The following NUP214 variants were observed in gnomAD, a reference collection of about 807,000 sequenced individuals.
NUP214 encodes nucleoporin 214.
In NUP214, 79 loss-of-function variants were observed where a neutral mutation model predicts 196.2. The ratio of observed to expected loss-of-function variants is 0.40; its 90% CI spans 0.34 to 0.49. The LOEUF (loss-of-function observed/expected upper bound fraction) is 0.49, where lower values mean the gene tolerates loss of function less well. NUP214 is among the 20% of genes least tolerant of loss of function. NUP214 has a pLI of 0.58. For missense variants in NUP214, 2,468 were observed against 2,539.0 expected (o/e 0.97, Z 0.60); for synonymous variants, 1,020 against 990.5 (o/e 1.03, Z -0.56).
intron 30 of NUP214, among the ~76,000 whole-genome samples, chr9:131,209,033 G>A (rs1042295916): frequency 5.9e-5 from 9 of 151,854 alleles, no homozygotes; most frequent in African/African-American, 2.2e-4. Context: ...ATAATAAAAA[G>A]GAATGAAGTT....
intron 32 of NUP214, among the ~76,000 whole-genome samples, chr9:131,227,493 A>T (rs1221040694): frequency 6.6e-6 from 1 of 152,130 alleles, no homozygotes; most frequent in East Asian, 1.9e-4. Context: ...AAAAAAAAAA[A>T]ACAAACCTCC....
chr9:131,189,929 C>T lies in NUP214; in HGVS notation c.3574+798C>T, dbSNP rs1012923803. On this transcript the variant is annotated intron_variant, in intron 26 of 35. Coordinates refer to ENST00000359428, the MANE Select transcript of NUP214 (RefSeq NM_005085.4). Reference sequence around the variant, plus strand: ...TGTTTCAATCATGCTCTTAAGTGGGCCTTCAAGCAAATTCTGTTAGAAATT... The same window carrying T: ...TGTTTCAATCATGCTCTTAAGTGGGTCTTCAAGCAAATTCTGTTAGAAATT... 4 of 155,162 alleles carry T rather than the reference C, an allele frequency of 2.6e-5. No homozygotes were observed. The Admixed American group carries it at 2.6e-4, about 10-fold the overall frequency. The allele number at this position is 155,162 out of a possible 1,614,324, so 9.6% of individuals were successfully genotyped here.
chr9:131,182,298 G>A (rs1010969699), intron 24 of NUP214, among the ~76,000 whole-genome samples: 44 of 152,276 alleles, frequency 2.9e-4, no homozygotes, highest in East Asian at 1.9e-4. Flanking sequence ...GACCAGTACC[G>A]GTCTGTGGCC....
chr9:131,170,238 G>T (rs1260404827), intron 21 of NUP214, among the ~76,000 whole-genome samples: 1 of 152,122 alleles, frequency 6.6e-6, no homozygotes, highest in African/African-American at 2.4e-5. Flanking sequence ...GAACCCGGGA[G>T]GCAGAGGTCG....
chr9:131,160,004 A>T (rs557297809), intron 18 of NUP214, among the ~76,000 whole-genome samples: 45 of 152,250 alleles, frequency 3.0e-4, no homozygotes, highest in African/African-American at 1.1e-3. Flanking sequence ...ATAATTTATG[A>T]TAGTGAAAAA....
intron 30 of NUP214, among the ~76,000 whole-genome samples, chr9:131,209,146 G>A (rs370146055): frequency 6.6e-6 from 1 of 152,164 alleles, no homozygotes; most frequent in Admixed American, 6.5e-5. Context: ...GCTGGGATGG[G>A]CAGATTGCTT....
At position 131,197,589 on chromosome 9, in the gene NUP214, G is replaced by A. The variant is rs142575574; in HGVS notation, c.4095G>A (p.Thr1365=). Residue 1365 remains threonine (T), a synonymous_variant, in exon 29 of 36, where the codon ACG becomes ACA. Coordinates refer to ENST00000359428, the MANE Select transcript of NUP214 (RefSeq NM_005085.4). ...TSLTSTQPTK[T]SGVPSGFNFT... is the part of the protein sequence containing the mutation. ...TAACTAGTACCCAGCCAACCAAGAC[G>A]TCAGGCGTGCCCTCAGGGTTTAATT... The A allele has an allele frequency of 5.5e-5, 89 of 1,614,086 alleles. No homozygotes were observed. The highest frequency in any genetic ancestry group is 8.3e-5 in the Admixed American group (5 of 59,996).
chr9:131,130,157 T>TC, intron 4 of NUP214, among the ~76,000 whole-genome samples: 1 of 132,418 alleles, frequency 7.6e-6, no homozygotes, highest in African/African-American at 2.8e-5. Flanking sequence ...TTTTGTTTTT[T>TC]TTTTGAGACA....
chr9:131,130,132 G>GTTTTTTTT (rs1245763919), intron 4 of NUP214, among the ~76,000 whole-genome samples: 1 of 46,552 alleles, frequency 2.1e-5, no homozygotes, highest in Non-Finnish European at 4.3e-5. Context: ...ATGATTTCTG[G>GTTTTTTTT]TTTTGTTTTT....
At chr9:131,162,935 G>C (rs1263270567) in intron 18 of NUP214, 56 bp from the exon 19 acceptor site, 18 of 1,551,572 alleles carry the variant, frequency 1.2e-5, no homozygotes, top group Admixed American at 1.7e-5. Flanking sequence ...TTTTTACTGG[G>C]AGATTCCTTT....
rs1413464278 is a variant in NUP214 at position 131,222,916 on chromosome 9, C to T, written c.5888C>T (p.Ser1963Phe). 9.3e-6 allele frequency: 15 copies of T among 1,614,056 alleles called. No individual in the cohort carries two copies. Among genetic ancestry groups the T allele is most frequent in the Non-Finnish European group, 1.2e-5 (14 of 1,179,960 alleles). The change falls in exon 32 of 36, where the codon TCT (serine) becomes TTT (phenylalanine). Residue 1963 changes from serine to phenylalanine, a missense_variant. By Grantham distance (155) the Ser-to-Phe change is radical. This residue lies in a region of NUP214 where 262 missense variants were observed against 296.5 expected (regional missense o/e 0.88). Coordinates refer to ENST00000359428, the MANE Select transcript of NUP214 (RefSeq NM_005085.4). ...GCATCCCAAGGCTTTGGGTTTTCCT[C>T]TCCAAACAAAACAGGTACTCCTATG... The part of the protein sequence containing the change: ...SVASQGFGFS[S>F]PNKTGGFGAA...
At position 131,164,062 on chromosome 9, in the gene NUP214, C is replaced by CA; in HGVS notation, c.2814dup (p.Leu939ThrfsTer41). 3.1e-6 allele frequency: 5 copies of CA among 1,614,086 alleles called. No homozygotes were observed. Among genetic ancestry groups the CA allele is most frequent in the Non-Finnish European group, 4.2e-6 (5 of 1,180,022 alleles). ...TATGGGTTTATGGATTTCTTGCAGC[C>CA]AAACTGTCCCCCATGAAACAGGCAC... On this transcript the variant is annotated frameshift_variant and splice_region_variant, in exon 21 of 36. Transcript: ENST00000359428. LOFTEE classifies it high-confidence loss of function.
chr9:131,172,292 C>T (rs568532004), intron 21 of NUP214, among the ~76,000 whole-genome samples: 5 of 152,210 alleles, frequency 3.3e-5, no homozygotes, highest in East Asian at 1.9e-4. Flanking sequence ...ATTTGCATTT[C>T]TCTGATGGCC....
At position 131,234,445 on chromosome 9, in the gene NUP214, C is replaced by A. The variant is rs888595271; in HGVS notation, c.*958C>A. The A allele has an allele frequency of 4.3e-6, 1 of 231,974 alleles. No homozygotes were observed. Among genetic ancestry groups the A allele is most frequent in the Non-Finnish European group, 8.5e-6 (1 of 117,368 alleles). The allele number at this position is 231,974 out of a possible 1,614,324, so 14.4% of individuals were successfully genotyped here. A position where few individuals can be genotyped will look rare whatever the true frequency, so the allele number is the denominator to read the frequency against. ...TGCTTCTTTATCTTTAATGCAGTAT[C>A]TTTGAGGCCTGTAACATCCTAGATA... is the stretch of plus-strand genomic sequence containing the variant. On this transcript the variant is annotated 3_prime_UTR_variant, in exon 36 of 36. Transcript: ENST00000359428.
intron 14 of NUP214, among the ~76,000 whole-genome samples, chr9:131,148,918 T>C (rs536356275): frequency 1.7e-4 from 26 of 152,372 alleles, no homozygotes; most frequent in African/African-American, 5.5e-4. Flanking sequence ...TTTTCTTTTA[T>C]GATTAATGCT....
intron 28 of NUP214, among the ~76,000 whole-genome samples, chr9:131,196,848 A>G (rs1200511895): frequency 6.6e-6 from 1 of 152,382 alleles, no homozygotes; most frequent in East Asian, 1.9e-4. Flanking sequence ...CAGGAGGTCC[A>G]CAGGCCATTG....
chr9:131,204,398 G>A (rs781403561), intron 30 of NUP214, among the ~76,000 whole-genome samples: 5 of 152,178 alleles, frequency 3.3e-5, no homozygotes, highest in Non-Finnish European at 5.9e-5. Flanking sequence ...AGGAGCAGTG[G>A]TGCTCTAGAA....
intron 5 of NUP214, among the ~76,000 whole-genome samples, chr9:131,132,286 G>A (rs1320200805): frequency 6.6e-6 from 1 of 151,826 alleles, no homozygotes; most frequent in Non-Finnish European, 1.5e-5. Flanking sequence ...ACCCAGCTAT[G>A]TATTTTTAGT....
Position 131,198,981 on chromosome 9 carries a change from A to G in NUP214, c.5487A>G (p.Ala1829=). Residue 1829 remains alanine, a synonymous_variant, in exon 29 of 36, where the codon GCA becomes GCG. Coordinates refer to ENST00000359428, the MANE Select transcript of NUP214 (RefSeq NM_005085.4). ...FGGTSAATTT[A]ATSGFSFCQA... Reference sequence around the variant, plus strand: ...GTACCTCAGCTGCCACCACAACAGCAGCAACCTCTGGGTTCAGCTTTTGCC... The same window carrying G: ...GTACCTCAGCTGCCACCACAACAGCGGCAACCTCTGGGTTCAGCTTTTGCC... The G allele has an allele frequency of 6.2e-7, 1 of 1,611,180 alleles. No homozygotes were observed. Among genetic ancestry groups the G allele is most frequent in the Non-Finnish European group, 8.5e-7 (1 of 1,177,868 alleles).
Sources: gnomAD v4.1 joint callset for allele counts (sites outside exome capture counted in the v4.1 genomes callset) on GRCh38, gnomAD v4.1.1 for gene constraint, gnomAD v4.1.1 regional missense constraint, MANE v1.5 for transcripts, NCBI Gene and HGNC (gene_info 2026-07-23, HGNC 2026-07-21) for gene names.